PPFIBP1: variants seen among roughly 807,000 people sequenced by gnomAD.
PPFIBP1 encodes liprin-beta-1.
A neutral mutation model predicts 137.8 loss-of-function variants in PPFIBP1; 112 were observed. That is an observed-to-expected ratio of 0.81 (90% confidence interval 0.70 to 0.95). PPFIBP1 has a LOEUF of 0.95. Among genes scored for constraint, PPFIBP1 ranks in the 40% least tolerant of loss-of-function variants. The pLI, the probability that PPFIBP1 is intolerant of heterozygous loss-of-function variation, is 0.00. For synonymous variants in PPFIBP1, 378 were observed against 417.3 expected, an observed-to-expected ratio of 0.91 and a Z score of 1.15; for missense variants, 1,083 against 1,196.6, an observed-to-expected ratio of 0.91 and a Z score of 1.40.
chr12:27,633,535 A>G, intron 3 of PPFIBP1, 75 bp downstream of exon 3: 1 of 1,265,200 alleles, frequency 7.9e-7, no homozygotes, highest in Non-Finnish European at 1.1e-6. Flanking sequence ...CAACTTTCAT[A>G]TTATCTTTTC....
chr12:27,647,126 T>C (rs7137836), intron 5 of PPFIBP1, among the ~76,000 whole-genome samples: 151,557 of 152,332 alleles, frequency 0.99, 75,398 homozygotes, highest in Non-Finnish European at 1. Context: ...CTCAGCCTCC[T>C]GAGTAACTGG....
intron 2 of PPFIBP1, among the ~76,000 whole-genome samples, chr12:27,600,747 C>T (rs1179285599): frequency 6.6e-6 from 1 of 152,072 alleles, no homozygotes; most frequent in Non-Finnish European, 1.5e-5. Context: ...TGAATTAATA[C>T]TTAGTATTAC....
At chr12:27,532,361 G>A (rs1276403816) in intron 1 of PPFIBP1, among the ~76,000 whole-genome samples, 2 of 151,916 alleles carry the variant, frequency 1.3e-5, no homozygotes, top group Non-Finnish European at 2.9e-5. Flanking sequence ...ATTTTAAGAA[G>A]TAAAAAACCA....
At chr12:27,540,916 T>C (rs1592332364) in intron 1 of PPFIBP1, among the ~76,000 whole-genome samples, 1 of 152,262 alleles carries the variant, frequency 6.6e-6, no homozygotes, top group Non-Finnish European at 1.5e-5. Context: ...ATTTCACTTA[T>C]GAATCCTCTA....
chr12:27,663,670 A>G (rs2059683684), intron 11 of PPFIBP1, among the ~76,000 whole-genome samples: 2 of 151,952 alleles, frequency 1.3e-5, no homozygotes, highest in Admixed American at 6.5e-5. Flanking sequence ...GTGAAACCCC[A>G]TCTCTACAAA....
At chr12:27,555,042 G>A (rs2048600075) in intron 1 of PPFIBP1, among the ~76,000 whole-genome samples, 1 of 152,042 alleles carries the variant, frequency 6.6e-6, no homozygotes. Flanking sequence ...AGGCTGGGGT[G>A]GGGCGTGCAT....
intron 1 of PPFIBP1, among the ~76,000 whole-genome samples, chr12:27,529,628 A>G (rs1229552989): frequency 6.6e-6 from 1 of 152,228 alleles, no homozygotes; most frequent in Non-Finnish European, 1.5e-5. Flanking sequence ...CGGGAGGCGG[A>G]GGTTACAGTG....
intron 22 of PPFIBP1, among the ~76,000 whole-genome samples, chr12:27,682,052 C>T (rs1462609769): frequency 6.6e-6 from 1 of 150,390 alleles, no homozygotes; most frequent in Admixed American, 6.6e-5. Context: ...AAAAAGCACC[C>T]TACAATTTGT....
intron 27 of PPFIBP1, 95 bp from the exon 28 acceptor site, chr12:27,691,653 AG>A: frequency 1.2e-6 from 1 of 849,916 alleles, no homozygotes; most frequent in Non-Finnish European, 1.8e-6. Context: ...TATAGGAGGG[AG>A]GGGGCAACGC....
At chr12:27,664,940 C>G (rs994163175) in intron 12 of PPFIBP1, among the ~76,000 whole-genome samples, 1 of 152,198 alleles carries the variant, frequency 6.6e-6, no homozygotes, top group African/African-American at 2.4e-5. Context: ...GTAATCCCAG[C>G]ACTTTGGGAG....
intron 1 of PPFIBP1, among the ~76,000 whole-genome samples, chr12:27,524,572 G>T (rs2289711): frequency 0.094 from 14,230 of 151,972 alleles, 842 homozygotes; most frequent in East Asian, 0.28. Flanking sequence ...GAGCTTGTAC[G>T]TGAAGAATAC....
intron 2 of PPFIBP1, among the ~76,000 whole-genome samples, chr12:27,623,376 A>G (rs970436149): frequency 6.6e-6 from 1 of 152,180 alleles, no homozygotes; most frequent in African/African-American, 2.4e-5. Context: ...GCTAATAATA[A>G]TGATCGCATT....
At position 27,555,580 on chromosome 12, in the gene PPFIBP1, T is replaced by C. The variant is rs148273268; in HGVS notation, c.-123-22572T>C. 4.9e-4 allele frequency among the ~76,000 whole-genome samples: 74 copies of C among 152,334 alleles called. 3 individuals are homozygous for C. The East Asian group carries it at 0.012, about 25-fold the overall frequency. ...AAATTGTGCTTTTCTTTGGAGGAAA[T>C]CATAAATCATGATTGAAAGCAAAAG... On this transcript the variant is annotated intron_variant, in intron 1 of 29. Transcript: ENST00000228425.
At chr12:27,595,884 A>AACAAC (rs1372079287) in intron 2 of PPFIBP1, among the ~76,000 whole-genome samples, 824 of 55,544 alleles carry the variant, frequency 0.015, 9 homozygotes, top group African/African-American at 0.036. Context: ...CAACAACAAC[A>AACAAC]AAATATATAT....
chr12:27,577,203 T>G (rs2050643663), intron 1 of PPFIBP1, among the ~76,000 whole-genome samples: 1 of 150,512 alleles, frequency 6.6e-6, no homozygotes, highest in Non-Finnish European at 1.5e-5. Flanking sequence ...AGCACCTGCC[T>G]TTTCTGAAGC....
chr12:27,553,744 C>T (rs141246671), intron 1 of PPFIBP1, among the ~76,000 whole-genome samples: 2 of 152,324 alleles, frequency 1.3e-5, no homozygotes, highest in Non-Finnish European at 2.9e-5. Flanking sequence ...ATTCTTCATA[C>T]TTAGAACATT....
chr12:27,575,465 G>A (rs1004448645), intron 1 of PPFIBP1, among the ~76,000 whole-genome samples: 2 of 152,164 alleles, frequency 1.3e-5, no homozygotes, highest in African/African-American at 4.8e-5. Flanking sequence ...ATAGCAAAGG[G>A]ATTTAGAAAA....
intron 1 of PPFIBP1, among the ~76,000 whole-genome samples, chr12:27,527,424 G>A (rs1380420092): frequency 6.6e-6 from 1 of 151,888 alleles, no homozygotes; most frequent in Non-Finnish European, 1.5e-5. Flanking sequence ...TGTATTTTTA[G>A]TAGAGGCGGG....
At chr12:27,542,196 A>C (rs1945747396) in intron 1 of PPFIBP1, among the ~76,000 whole-genome samples, 1 of 152,208 alleles carries the variant, frequency 6.6e-6, no homozygotes. Flanking sequence ...ACAAATAAAA[A>C]ATACAATGCA....
Sources: allele counts gnomAD v4.1 joint callset (sites outside exome capture counted in the v4.1 genomes callset), GRCh38; gene constraint gnomAD v4.1.1; transcripts MANE v1.5; gene names NCBI Gene and HGNC (gene_info 2026-07-23, HGNC 2026-07-21).